The following CUX1 variants were observed in gnomAD, a reference collection of about 807,000 sequenced individuals.
The protein encoded by CUX1 is cut like homeobox 1.
A neutral mutation model predicts 158.8 loss-of-function variants in CUX1; 31 were observed. The ratio of observed to expected loss-of-function variants is 0.20; its 90% CI spans 0.15 to 0.26. CUX1 has a LOEUF of 0.26. Among genes scored for constraint, CUX1 ranks in the 10% least tolerant of loss-of-function variants. The pLI is 1.00. For synonymous variants in CUX1, 879 were observed against 862.1 expected (o/e 1.02, Z -0.34); for missense variants, 1,589 against 2,014.6 (o/e 0.79, Z 4.04).
Position 102,251,547 on chromosome 7 carries a change from T to C in CUX1, c.*2505T>C. On this transcript the variant is annotated 3_prime_UTR_variant, in exon 24 of 24. Coordinates refer to ENST00000292535, the MANE Select transcript of CUX1 (RefSeq NM_181552.4). Reference sequence around the variant, plus strand: ...GTTTGTCTTTTGTTGGGGGTATCATTTCTGAACTTGAAATCCAGTTCAGGG... The same window carrying C: ...GTTTGTCTTTTGTTGGGGGTATCATCTCTGAACTTGAAATCCAGTTCAGGG... 1 of 985,402 alleles carries C rather than the reference T, an allele frequency of 1.0e-6. No individual in the cohort carries two copies. The highest frequency in any genetic ancestry group is 4.7e-5 in the South Asian group (1 of 21,282). The allele number at this position is 985,402 out of a possible 1,614,324, so 61.0% of individuals were successfully genotyped here. A position where few individuals can be genotyped will look rare whatever the true frequency, so the allele number is the denominator to read the frequency against.
chr7:102,220,809 T>G (rs10232710), intron 20 of CUX1, among the ~76,000 whole-genome samples: 5,337 of 152,244 alleles, frequency 0.035, 317 homozygotes, highest in African/African-American at 0.12. Context: ...TATTTTATTT[T>G]ATTTACTTAT....
rs372354998 is a variant in CUX1, at chr7:102,070,583, C to T, written c.268+166C>T. On this transcript the variant is annotated intron_variant, in intron 4 of 23. Coordinates refer to ENST00000292535, the MANE Select transcript of CUX1 (RefSeq NM_181552.4). ...GCAGGACACATGAATTCTTCACAAC[C>T]CAGACTTTGGGTACGGAGGGAAATT... Among the ~76,000 whole-genome samples, 27 of 152,278 alleles carry T rather than the reference C, an allele frequency of 1.8e-4. 1 individual carries two copies. The East Asian group carries it at 3.1e-3, about 17-fold the overall frequency.
intron 1 of CUX1, among the ~76,000 whole-genome samples, chr7:101,914,299 G>T (rs1232129869): frequency 1.3e-5 from 2 of 149,302 alleles, no homozygotes; most frequent in Non-Finnish European, 3.0e-5. Flanking sequence ...TGTCGTTGTT[G>T]TTTTTTTTTC....
rs1032525805 is a variant in CUX1, at chr7:102,275,340, G to A, written c.1544G>A (p.Arg515Gln). The change falls in exon 17 of 23, where the codon CGG becomes CAG. Residue 515 changes from arginine (R) to glutamine (Q), a missense_variant. Coordinates refer to the CUX1 transcript ENST00000292538. The stretch of plus-strand genomic sequence containing the variant: ...AGCCAGAGGGAGCGCTTCCGTGCCC[G>A]GAACCAGGAGCTTGAGGCCGTGAGT... 3.3e-5 allele frequency: 54 copies of A among 1,612,816 alleles called. 1 individual carries two copies. The highest frequency in any genetic ancestry group is 1.9e-4 in the South Asian group (17 of 90,944).
chr7:101,907,070 A>G (rs1318810365), intron 1 of CUX1, among the ~76,000 whole-genome samples: 1 of 152,160 alleles, frequency 6.6e-6, no homozygotes, highest in African/African-American at 2.4e-5. Flanking sequence ...TGTCAGTGGG[A>G]AAGTGATGGG....
At chr7:102,082,379 T>C (rs1457276892) in intron 4 of CUX1, among the ~76,000 whole-genome samples, 2 of 146,166 alleles carry the variant, frequency 1.4e-5, no homozygotes, top group East Asian at 1.9e-4. Context: ...ATACAAAAAT[T>C]AGCTGGTGTA....
chr7:102,215,580 C>T (rs1796972354), intron 20 of CUX1, among the ~76,000 whole-genome samples: 1 of 152,202 alleles, frequency 6.6e-6, no homozygotes, highest in Admixed American at 6.5e-5. Flanking sequence ...TCAACAATTT[C>T]ATCACAAATT....
At chr7:101,955,982 A>G (rs1011356773) in intron 2 of CUX1, among the ~76,000 whole-genome samples, 1 of 151,814 alleles carries the variant, frequency 6.6e-6, no homozygotes, top group African/African-American at 2.4e-5. Flanking sequence ...AGGGGATGAG[A>G]CCATCCTGGC....
Position 102,255,642 on chromosome 7 carries a change from A to G in CUX1, c.*6600A>G. The G allele has an allele frequency of 1.0e-6, 1 of 985,400 alleles. No individual in the cohort carries two copies. Among genetic ancestry groups the G allele is most frequent in the Non-Finnish European group, 1.2e-6 (1 of 829,902 alleles). 61.0% of individuals were successfully genotyped at this position (985,400 alleles called of 1,614,324 possible). A position where few individuals can be genotyped will look rare whatever the true frequency, so the allele number is the denominator to read the frequency against. On this transcript the variant is annotated 3_prime_UTR_variant, in exon 24 of 24. Transcript: ENST00000292535. ...TATCAAGCTTTCTGTAATCAGAAAG[A>G]AAAGGTGCCTTATATCCCAATGTCA...
At chr7:101,880,895 C>T (rs1799634761) in intron 1 of CUX1, among the ~76,000 whole-genome samples, 1 of 152,158 alleles carries the variant, frequency 6.6e-6, no homozygotes. Flanking sequence ...CCAAGGAGTC[C>T]TCCAGAACCA....
At chr7:101,920,440 G>A (rs977529972) in intron 2 of CUX1, among the ~76,000 whole-genome samples, 8 of 151,910 alleles carry the variant, frequency 5.3e-5, no homozygotes, top group African/African-American at 1.9e-4. Context: ...TAAATTTTCT[G>A]TAGAAACAGA....
chr7:102,058,579 G>C (rs544759488), intron 3 of CUX1, among the ~76,000 whole-genome samples: 1 of 152,150 alleles, frequency 6.6e-6, no homozygotes, highest in South Asian at 2.1e-4. Context: ...CACCGTACCT[G>C]GTCTGTTTTT....
At chr7:101,893,624 A>G (rs1269044573) in intron 1 of CUX1, among the ~76,000 whole-genome samples, 2 of 152,218 alleles carry the variant, frequency 1.3e-5, no homozygotes, top group East Asian at 1.9e-4. Context: ...ACCCAGTTGC[A>G]TGCTGATGTT....
chr7:101,986,419 A>G (rs1166476583), intron 2 of CUX1, among the ~76,000 whole-genome samples: 3 of 152,224 alleles, frequency 2.0e-5, no homozygotes, highest in Non-Finnish European at 4.4e-5. Flanking sequence ...CTCTCAGTTA[A>G]TTGAATAAGA....
chr7:102,272,461 C>A (rs1554546485), intron 14 of CUX1, among the ~76,000 whole-genome samples: 1 of 152,268 alleles, frequency 6.6e-6, no homozygotes, highest in African/African-American at 2.4e-5. Flanking sequence ...AGGCCTCAGT[C>A]TCCCTCTCTG....
At chr7:101,992,163 A>AG (rs1815221152) in intron 2 of CUX1, among the ~76,000 whole-genome samples, 1 of 152,124 alleles carries the variant, frequency 6.6e-6, no homozygotes, top group African/African-American at 2.4e-5. Context: ...AGAGGCTTGG[A>AG]GGGGGGTGCA....
intron 8 of CUX1, among the ~76,000 whole-genome samples, chr7:102,139,169 C>T (rs1378410764): frequency 4.7e-5 from 7 of 147,518 alleles, no homozygotes; most frequent in African/African-American, 1.8e-4. Flanking sequence ...CACTTGAACC[C>T]GGGAGGCAGA....
chr7:102,164,483 C>T (rs115146624), intron 9 of CUX1, among the ~76,000 whole-genome samples: 1 of 152,228 alleles, frequency 6.6e-6, no homozygotes, highest in East Asian at 1.9e-4. Context: ...GTGAGCTGCC[C>T]TCTTCCTGTT....
At chr7:102,220,425 C>A (rs1279309653) in intron 20 of CUX1, among the ~76,000 whole-genome samples, 1 of 152,226 alleles carries the variant, frequency 6.6e-6, no homozygotes, top group Non-Finnish European at 1.5e-5. Context: ...GAGAAACTCA[C>A]TCCAGGCGTA....
Sources: allele counts gnomAD v4.1 joint callset (sites outside exome capture counted in the v4.1 genomes callset), GRCh38; gene constraint gnomAD v4.1.1; transcripts MANE v1.5; gene names NCBI Gene and HGNC (gene_info 2026-07-23, HGNC 2026-07-21).